The following CCDC102A variants were observed in gnomAD, a reference collection of about 807,000 sequenced individuals.
CCDC102A encodes coiled-coil domain containing 102A, also known as coiled-coil domain-containing protein 102A.
In CCDC102A, 40 loss-of-function variants were observed where a neutral mutation model predicts 55.5. The ratio of observed to expected loss-of-function variants is 0.72; its 90% CI spans 0.56 to 0.94. The LOEUF (loss-of-function observed/expected upper bound fraction) is 0.94. Among genes scored for constraint, CCDC102A ranks in the 40% least tolerant of loss-of-function variants. CCDC102A has a pLI of 0.00. For synonymous variants in CCDC102A, 323 were observed against 339.0 expected, an observed-to-expected ratio of 0.95 and a Z score of 0.52; for missense variants, 779 against 768.6, an observed-to-expected ratio of 1.01 and a Z score of -0.16.
chr16:57,523,532 G>T (rs965238679), intron 3 of CCDC102A, among the ~76,000 whole-genome samples: 4 of 151,204 alleles, frequency 2.6e-5, no homozygotes, highest in Non-Finnish European at 5.9e-5. Flanking sequence ...GGAGGGTACT[G>T]GTGCATTCAT....
At chr16:57,513,603 T>C (rs2031903831) in intron 8 of CCDC102A, among the ~76,000 whole-genome samples, 1 of 152,220 alleles carries the variant, frequency 6.6e-6, no homozygotes, top group South Asian at 2.1e-4. Context: ...ATGGAAGCAC[T>C]TGAGAGGCCC....
intron 3 of CCDC102A, 61 bp downstream of exon 3, chr16:57,525,840 C>T: frequency 6.9e-7 from 1 of 1,458,326 alleles, no homozygotes; most frequent in African/African-American, 1.4e-5. Flanking sequence ...TTCTGTGATT[C>T]TGAGGGCGTT....
chr16:57,519,625 C>A (rs150805004), intron 4 of CCDC102A, among the ~76,000 whole-genome samples: 54 of 152,348 alleles, frequency 3.5e-4, no homozygotes, highest in African/African-American at 1.2e-3. Flanking sequence ...GGAGAGACAC[C>A]AGATACAAAA....
At chr16:57,530,187 T>C (rs1453563974) in intron 1 of CCDC102A, among the ~76,000 whole-genome samples, 2 of 152,120 alleles carry the variant, frequency 1.3e-5, no homozygotes, top group Non-Finnish European at 2.9e-5. Flanking sequence ...CACCCCTCCC[T>C]GACACCGTGA....
At position 57,533,539 on chromosome 16, in the gene CCDC102A, C is replaced by G. The variant is rs148003288; in HGVS notation, c.-148+2961G>C. Among the ~76,000 whole-genome samples the G allele has an allele frequency of 2.3e-3, 350 of 151,742 alleles. 2 individuals are homozygous for G. Among genetic ancestry groups the G allele is most frequent in the African/African-American group, 8.1e-3 (333 of 41,306 alleles). On this transcript the variant is annotated intron_variant, in intron 1 of 8. Coordinates refer to ENST00000258214, the MANE Select transcript of CCDC102A (RefSeq NM_033212.4). ...ACAGCCCCAGTAATGCACACACTCACACACACACCCCCAGGGACCTGCACT... is the reference window on the plus strand; with the variant it reads ...ACAGCCCCAGTAATGCACACACTCAGACACACACCCCCAGGGACCTGCACT...
At chr16:57,525,831 TC>T in intron 3 of CCDC102A, 69 bp downstream of exon 3, 1 of 1,369,222 alleles carries the variant, frequency 7.3e-7, no homozygotes, top group Non-Finnish European at 1.0e-6. Context: ...AGTCTAATGT[TC>T]TGTGATTCTG....
At chr16:57,535,852 A>ACC (rs1328508769) in intron 1 of CCDC102A, among the ~76,000 whole-genome samples, 1 of 151,594 alleles carries the variant, frequency 6.6e-6, no homozygotes, top group African/African-American at 2.4e-5. Flanking sequence ...AACCAATCCA[A>ACC]CCCCCACAAG....
rs184337247 is a variant in CCDC102A at position 57,523,479 on chromosome 16, T to C, written c.813-2303A>G. On this transcript the variant is annotated intron_variant, in intron 3 of 8. Transcript: ENST00000258214. The stretch of plus-strand genomic sequence containing the variant: ...TCTTCACAAAGGCATTATAGTGATT[T>C]TTTTTTTTTTTTGAGACAGCGTCTC... Among the ~76,000 whole-genome samples, 796 of 151,548 alleles carry C rather than the reference T, an allele frequency of 5.3e-3. 31 individuals carry two copies. In the East Asian group the frequency reaches 0.11, roughly 21 times the overall value.
chr16:57,512,520 G>A lies in CCDC102A; in HGVS notation c.*221C>T, dbSNP rs1035296647. The A allele has an allele frequency of 2.2e-4, 102 of 466,470 alleles. 1 individual carries two copies. The highest frequency in any genetic ancestry group is 1.2e-3 in the African/African-American group (54 of 46,736). The allele number at this position is 466,470 out of a possible 1,614,324, so 28.9% of individuals were successfully genotyped here. The stretch of plus-strand genomic sequence containing the variant: ...TCCAAAGACTTCTGGGTGTGCGCGC[G>A]CGCGCGCGCGTGTGTGTATATATAT... On this transcript the variant is annotated 3_prime_UTR_variant, in exon 9 of 9. Coordinates refer to ENST00000258214, the MANE Select transcript of CCDC102A (RefSeq NM_033212.4).
chr16:57,528,080 A>G (rs2032173038), intron 2 of CCDC102A, among the ~76,000 whole-genome samples: 1 of 152,342 alleles, frequency 6.6e-6, no homozygotes, highest in African/African-American at 2.4e-5. Context: ...CAGCCTCCCA[A>G]GTAGCTGGTA....
intron 1 of CCDC102A, among the ~76,000 whole-genome samples, chr16:57,533,057 G>GGGCCAGGGCAGGCACC (rs2032299958): frequency 6.6e-6 from 1 of 152,210 alleles, no homozygotes; most frequent in Non-Finnish European, 1.5e-5. Context: ...CTGTTGGGCA[G>GGGCCAGGGCAGGCACC]GGCCAGGGCA....
At position 57,516,499 on chromosome 16, in the gene CCDC102A, G is replaced by A. The variant is rs757950324; in HGVS notation, c.1249-36C>T. ...CAGGGATGGGGTGGGAGGGAGGAGG[G>A]AATCAGTATCAGCTTGGGCGCCATG... On this transcript the variant is annotated intron_variant, in intron 6 of 8. Transcript: ENST00000258214. This position sits in a 1 kb window ranked among gnomAD's most constrained non-coding sequence, Gnocchi z 4.4. 9.5e-6 allele frequency: 15 copies of A among 1,583,512 alleles called. No homozygotes were observed. In the South Asian group the frequency reaches 1.2e-4, roughly 13 times the overall value.
At position 57,526,109 on chromosome 16, in the gene CCDC102A, T is replaced by C; in HGVS notation, c.604A>G (p.Ser202Gly). Residue 202 changes from serine (S) to glycine (G), a missense_variant, in exon 3 of 9, where the codon AGC (serine) becomes GGC (glycine). Physicochemically the swap from Ser to Gly is moderately conservative, Grantham distance 56. Transcript: ENST00000258214. The part of the protein sequence containing the change: ...PGSQELELVE[S>G]LLKSMPEESE... ...TCCTCTGGCATGCTCTTCAGCAGGCTCTCCACCAGCTCCAGTTCCTGCGGG... is the reference window on the plus strand; with the variant it reads ...TCCTCTGGCATGCTCTTCAGCAGGCCCTCCACCAGCTCCAGTTCCTGCGGG... 1 of 1,553,302 alleles carries C rather than the reference T, an allele frequency of 6.4e-7. No homozygotes were observed. Among genetic ancestry groups the C allele is most frequent in the Non-Finnish European group, 8.6e-7 (1 of 1,157,114 alleles).
intron 1 of CCDC102A, among the ~76,000 whole-genome samples, chr16:57,533,710 A>G (rs1185849402): frequency 1.3e-5 from 2 of 151,282 alleles, no homozygotes; most frequent in African/African-American, 4.9e-5. Context: ...ACACACATAC[A>G]GCCCCGGTAA....
rs1200241577 is a variant in CCDC102A, at chr16:57,512,888, C to CA, written c.1524-19dup. 6.8e-6 allele frequency: 11 copies of CA among 1,609,926 alleles called. No homozygotes were observed. Among genetic ancestry groups the CA allele is most frequent in the South Asian group, 5.5e-5 (5 of 90,846 alleles). On this transcript the variant is annotated intron_variant, in intron 8 of 8. Transcript: ENST00000258214. ...TGCGGAGCCTGTGGGGTGGGGGTGA[C>CA]AGGAGGTTAGAGCAGCCTGGCTGGT...
At chr16:57,531,790 T>G (rs1164133845) in intron 1 of CCDC102A, among the ~76,000 whole-genome samples, 1 of 152,200 alleles carries the variant, frequency 6.6e-6, no homozygotes, top group Non-Finnish European at 1.5e-5. Context: ...CTCTGTGCCC[T>G]AGGCCCCTCC....
At position 57,516,534 on chromosome 16, in the gene CCDC102A, C is replaced by A; in HGVS notation, c.1249-71G>T. ...CAGCTTGGGCGCCATGCCAGGGAGT[C>A]CCACGAGGTCAGGCAGTTCTAGGGA... On this transcript the variant is annotated intron_variant, in intron 6 of 8. Coordinates refer to ENST00000258214, the MANE Select transcript of CCDC102A (RefSeq NM_033212.4). This position sits in a 1 kb window ranked among gnomAD's most constrained non-coding sequence, Gnocchi z 4.4. The A allele has an allele frequency of 7.4e-7, 1 of 1,342,320 alleles. No individual in the cohort carries two copies. Among genetic ancestry groups the A allele is most frequent in the Non-Finnish European group, 1.0e-6 (1 of 958,380 alleles). The allele number at this position is 1,342,320 out of a possible 1,614,324, so 83.2% of individuals were successfully genotyped here. A position where few individuals can be genotyped will look rare whatever the true frequency, so the allele number is the denominator to read the frequency against.
chr16:57,519,756 G>A (rs1296887144), intron 4 of CCDC102A, among the ~76,000 whole-genome samples: 1 of 152,234 alleles, frequency 6.6e-6, no homozygotes, highest in Non-Finnish European at 1.5e-5. Flanking sequence ...AGCCCTGAAA[G>A]GTGCTGATTC....
At chr16:57,519,385 T>C (rs546813827) in intron 4 of CCDC102A, among the ~76,000 whole-genome samples, 1 of 152,348 alleles carries the variant, frequency 6.6e-6, no homozygotes, top group South Asian at 2.1e-4. Flanking sequence ...AAAGCTAGCC[T>C]GGGAGGACGG....
Sources: allele counts gnomAD v4.1 joint callset (sites outside exome capture counted in the v4.1 genomes callset), GRCh38; gene constraint gnomAD v4.1.1; non-coding constraint Gnocchi (gnomAD v3.1); transcripts MANE v1.5; gene names NCBI Gene and HGNC (gene_info 2026-07-23, HGNC 2026-07-21).